PIWIL2: variants seen among roughly 807,000 people sequenced by gnomAD.
The protein encoded by PIWIL2 is piwi like RNA-mediated gene silencing 2.
In PIWIL2, 81 loss-of-function variants were observed where a neutral mutation model predicts 116.5. The observed-to-expected ratio is 0.70, with a 90% CI of 0.58 to 0.84. The LOEUF (loss-of-function observed/expected upper bound fraction) is 0.84, where lower values mean the gene tolerates loss of function less well. Among genes scored for constraint, PIWIL2 ranks in the 40% least tolerant of loss-of-function variants. The probability of loss-of-function intolerance (pLI) is 0.00; values close to 1 mark genes in which losing one functional copy is unlikely to be tolerated. For missense variants in PIWIL2, 1,272 were observed against 1,212.3 expected (o/e 1.05, Z -0.73); for synonymous variants, 489 against 429.5 (o/e 1.14, Z -1.71).
At position 22,292,950 on chromosome 8, in the gene PIWIL2, A is replaced by C. The variant is rs538984042; in HGVS notation, c.1181+2604A>C. Among the ~76,000 whole-genome samples the C allele has an allele frequency of 5.9e-5, 9 of 152,346 alleles. No individual in the cohort carries two copies. The South Asian group carries it at 1.4e-3, about 25-fold the overall frequency. The stretch of plus-strand genomic sequence containing the variant: ...ATTTTTGGTTTGCTCTGTTGGGCCT[A>C]GTGCAGGAGCCCAGTCCAAGCCAAT... On this transcript the variant is annotated intron_variant, in intron 10 of 22. Coordinates refer to ENST00000356766, the MANE Select transcript of PIWIL2 (RefSeq NM_018068.5).
chr8:22,309,815 A>C, intron 14 of PIWIL2, 146 bp from the exon 15 acceptor site: 2 of 543,476 alleles, frequency 3.7e-6, no homozygotes, highest in Non-Finnish European at 6.7e-6. Flanking sequence ...TCACTGCTAG[A>C]AGCTTTATTA....
rs1037183566 is a variant in PIWIL2, at chr8:22,307,794, T to C, written c.1546-139T>C. The C allele has an allele frequency of 1.8e-5, 11 of 622,736 alleles. No homozygotes were observed. The African/African-American group carries it at 1.8e-4, about 10-fold the overall frequency. 38.6% of individuals were successfully genotyped at this position (622,736 alleles called of 1,614,324 possible). ...ACATTCACCTTCCTAAGAGATATAT[T>C]TAATAAGTCCTTGAAGATGTTTGAA... On this transcript the variant is annotated intron_variant, in intron 13 of 22. Coordinates refer to ENST00000356766, the MANE Select transcript of PIWIL2 (RefSeq NM_018068.5).
intron 1 of PIWIL2, among the ~76,000 whole-genome samples, chr8:22,277,933 C>T (rs148120593): frequency 1.3e-5 from 2 of 152,182 alleles, no homozygotes; most frequent in African/African-American, 2.4e-5. Flanking sequence ...CTTTGGGAGG[C>T]CCAGGTGGGC....
intron 5 of PIWIL2, among the ~76,000 whole-genome samples, chr8:22,283,554 G>A (rs1320998237): frequency 2.6e-5 from 4 of 152,124 alleles, no homozygotes; most frequent in African/African-American, 7.2e-5. Context: ...GATTATAGGC[G>A]CCCGCCATCA....
chr8:22,336,213 G>T (rs1831978465), intron 20 of PIWIL2, among the ~76,000 whole-genome samples: 1 of 152,046 alleles, frequency 6.6e-6, no homozygotes, highest in Non-Finnish European at 1.5e-5. Flanking sequence ...AATGTACGTG[G>T]CACTCTTCTC....
rs770175006 is a variant in PIWIL2 at position 22,314,423 on chromosome 8, C to G, written c.2085C>G (p.Pro695=). 213 of 1,551,590 alleles carry G rather than the reference C, an allele frequency of 1.4e-4. 1 individual carries two copies. The highest frequency in any genetic ancestry group is 1.3e-3 in the Admixed American group (68 of 52,480). ...KKLCCVQSPV[P]SQVVNVRTIG... ...TGTGCTGTGTGCAGTCCCCAGTGCCCTCCCAGGTGAGTGGGTGTTGGGGCA... is the reference window on the plus strand; with the variant it reads ...TGTGCTGTGTGCAGTCCCCAGTGCCGTCCCAGGTGAGTGGGTGTTGGGGCA... Residue 695 remains proline, a synonymous_variant, in exon 17 of 23, where the codon CCC becomes CCG. Transcript: ENST00000356766.
In PIWIL2 at chr8:22,356,486, C is replaced by G. The variant is rs1832493422; in HGVS notation, c.*981C>G. The stretch of plus-strand genomic sequence containing the variant: ...TCCAGCATACCATGACGATTTCTTC[C>G]CCAAATATACACATGCTCTTTTGCT... On this transcript the variant is annotated 3_prime_UTR_variant, in exon 23 of 23. Coordinates refer to ENST00000356766, the MANE Select transcript of PIWIL2 (RefSeq NM_018068.5). 1 of 152,090 alleles carries G rather than the reference C, an allele frequency of 6.6e-6. No individual in the cohort carries two copies. Among genetic ancestry groups the G allele is most frequent in the African/African-American group, 2.4e-5 (1 of 41,410 alleles). 9.4% of individuals were successfully genotyped at this position (152,090 alleles called of 1,614,324 possible). A position where few individuals can be genotyped will look rare whatever the true frequency, so the allele number is the denominator to read the frequency against.
chr8:22,301,340 C>T (rs1481289146), intron 10 of PIWIL2, among the ~76,000 whole-genome samples: 1 of 151,858 alleles, frequency 6.6e-6, no homozygotes, highest in Non-Finnish European at 1.5e-5. Flanking sequence ...GCTCTTTCAC[C>T]CAGGATGGAG....
intron 10 of PIWIL2, among the ~76,000 whole-genome samples, chr8:22,303,671 A>G (rs1037708806): frequency 3.9e-5 from 6 of 152,114 alleles, no homozygotes; most frequent in African/African-American, 1.2e-4. Context: ...TGGGACTACA[A>G]CTGTGAGCCA....
At chr8:22,302,326 C>T (rs559495053) in intron 10 of PIWIL2, among the ~76,000 whole-genome samples, 10 of 151,960 alleles carry the variant, frequency 6.6e-5, no homozygotes, top group South Asian at 4.2e-4. Context: ...GGACTACAGG[C>T]GCGCACCCCC....
At chr8:22,280,608 C>G (rs1189079285) in intron 2 of PIWIL2, among the ~76,000 whole-genome samples, 1 of 152,138 alleles carries the variant, frequency 6.6e-6, no homozygotes, top group East Asian at 1.9e-4. Flanking sequence ...CATGTCAGAT[C>G]CAACTGGTAT....
In PIWIL2 at chr8:22,351,525, GT is replaced by G. The variant is rs542516480; in HGVS notation, c.2404-1424del. 5.1e-4 allele frequency among the ~76,000 whole-genome samples: 59 copies of G among 115,538 alleles called. 1 individual carries two copies. In the East Asian group the frequency reaches 0.014, roughly 27 times the overall value. 75.8% of individuals were successfully genotyped at this position (115,538 alleles called of 152,430 possible). On this transcript the variant is annotated intron_variant, in intron 20 of 22. Coordinates refer to ENST00000356766, the MANE Select transcript of PIWIL2 (RefSeq NM_018068.5). ...AATTCATAATTTAGGTTTTTTTGGT[GT>G]TTTTTTTTTGTTTTTTTGTTTTTTG...
chr8:22,324,899 A>G (rs1831687609), intron 20 of PIWIL2, among the ~76,000 whole-genome samples: 1 of 152,334 alleles, frequency 6.6e-6, no homozygotes, highest in South Asian at 2.1e-4. Context: ...CCCAGAAGCT[A>G]GGAGAGAGGC....
At position 22,355,098 on chromosome 8, in the gene PIWIL2, C is replaced by CA. The variant is rs1394975348; in HGVS notation, c.2766-249dup. On this transcript the variant is annotated intron_variant, in intron 22 of 22. Coordinates refer to ENST00000356766, the MANE Select transcript of PIWIL2 (RefSeq NM_018068.5). The stretch of plus-strand genomic sequence containing the variant: ...AAAAAAACAAAACAAAAAACAACAA[C>CA]AACAAAAAAAAAACAGGGAAATGCC... Among the ~76,000 whole-genome samples, 5 of 148,114 alleles carry CA rather than the reference C, an allele frequency of 3.4e-5. 1 individual carries two copies. The highest frequency in any genetic ancestry group is 6.7e-5 in the Admixed American group (1 of 14,870).
At chr8:22,319,021 G>A (rs1194115308) in intron 20 of PIWIL2, among the ~76,000 whole-genome samples, 2 of 152,184 alleles carry the variant, frequency 1.3e-5, no homozygotes, top group African/African-American at 4.8e-5. Flanking sequence ...TGCTAACCAT[G>A]GAGGATTGCT....
At chr8:22,310,684 A>T (rs902951786) in intron 15 of PIWIL2, among the ~76,000 whole-genome samples, 2 of 152,024 alleles carry the variant, frequency 1.3e-5, no homozygotes, top group African/African-American at 4.8e-5. Flanking sequence ...CTTTACCAGC[A>T]CTCCAGAAGC....
rs148440040 is a variant in PIWIL2 at position 22,278,839 on chromosome 8, C to A, written c.-46-502C>A. ...TGTGCAAACCCTCTTGTGAACTTCGCATTGGAGGGATCTAGGTTGCATCCT... is the reference window on the plus strand; with the variant it reads ...TGTGCAAACCCTCTTGTGAACTTCGAATTGGAGGGATCTAGGTTGCATCCT... On this transcript the variant is annotated intron_variant, in intron 1 of 22. Transcript: ENST00000356766. Among the ~76,000 whole-genome samples the A allele has an allele frequency of 4.4e-3, 672 of 152,292 alleles. 5 individuals are homozygous for A. The highest frequency in any genetic ancestry group is 0.014 in the Middle Eastern group (4 of 294).
intron 10 of PIWIL2, among the ~76,000 whole-genome samples, chr8:22,296,440 C>T (rs999055681): frequency 6.6e-6 from 1 of 152,142 alleles, no homozygotes; most frequent in African/African-American, 2.4e-5. Context: ...CATATATACT[C>T]CAGTATTTTC....
intron 10 of PIWIL2, among the ~76,000 whole-genome samples, chr8:22,295,825 T>C (rs1830886092): frequency 6.6e-6 from 1 of 152,138 alleles, no homozygotes; most frequent in Admixed American, 6.5e-5. Flanking sequence ...TTCTAAAGGG[T>C]AGTAAGTCAA....
Sources: gnomAD v4.1 joint callset for allele counts (sites outside exome capture counted in the v4.1 genomes callset) on GRCh38, gnomAD v4.1.1 for gene constraint, MANE v1.5 for transcripts, NCBI Gene and HGNC (gene_info 2026-07-23, HGNC 2026-07-21) for gene names.